The following NR3C2 variants were observed in gnomAD, a reference collection of about 807,000 sequenced individuals.
NR3C2 encodes the protein nuclear receptor subfamily 3 group C member 2, also known as mineralocorticoid receptor.
NR3C2 carries 15 observed loss-of-function variants against 86.4 expected under a neutral mutation model. The observed-to-expected ratio is 0.17, with a 90% CI of 0.12 to 0.27. The LOEUF (loss-of-function observed/expected upper bound fraction) is 0.27. NR3C2 is among the 10% of genes least tolerant of loss of function. NR3C2 has a pLI of 1.00. For missense variants in NR3C2, 960 were observed against 1,195.6 expected (o/e 0.80, Z 2.91); for synonymous variants, 458 against 450.5 (o/e 1.02, Z -0.21).
chr4:148,414,461 T>C (rs1748896970), intron 2 of NR3C2, among the ~76,000 whole-genome samples: 2 of 152,148 alleles, frequency 1.3e-5, no homozygotes, highest in Non-Finnish European at 2.9e-5. Flanking sequence ...AATTTAAAAA[T>C]AATAAAGAGA....
intron 4 of NR3C2, among the ~76,000 whole-genome samples, chr4:148,173,936 G>A (rs1735252288): frequency 6.6e-6 from 1 of 152,198 alleles, no homozygotes; most frequent in South Asian, 2.1e-4. Flanking sequence ...ATTCATGGGA[G>A]TGGCTCAGAA....
chr4:148,082,888 G>C (rs564103692), intron 8 of NR3C2, among the ~76,000 whole-genome samples: 53 of 152,090 alleles, frequency 3.5e-4, no homozygotes, highest in East Asian at 9.7e-4. Context: ...GTGGGGGAAG[G>C]GGGGAGGAGC....
rs539720311 is a variant in NR3C2, at chr4:148,295,539, C to T, written c.1758-35422G>A. Among the ~76,000 whole-genome samples the T allele has an allele frequency of 6.1e-5, 9 of 148,438 alleles. 1 individual carries two copies. In the South Asian group the frequency reaches 2.0e-3, roughly 33 times the overall value. ...TCATTCCCTCCATCTAGAATGTCTT[C>T]TTCTGCCATCTCTGCCCACCAAAAC... is the stretch of plus-strand genomic sequence containing the variant. On this transcript the variant is annotated intron_variant, in intron 2 of 8. Transcript: ENST00000358102.
chr4:148,139,490 A>G (rs1254421298), intron 6 of NR3C2, among the ~76,000 whole-genome samples: 1 of 152,196 alleles, frequency 6.6e-6, no homozygotes, highest in Admixed American at 6.5e-5. Context: ...TGCCCAGGTA[A>G]GTGGAGACTG....
intron 7 of NR3C2, among the ~76,000 whole-genome samples, chr4:148,116,160 T>C (rs1732264467): frequency 1.3e-5 from 2 of 152,224 alleles, no homozygotes; most frequent in South Asian, 2.1e-4. Context: ...AGTGGTAGAA[T>C]AAATAAGTTT....
intron 2 of NR3C2, among the ~76,000 whole-genome samples, chr4:148,410,631 G>A (rs1579265478): frequency 6.6e-6 from 1 of 152,040 alleles, no homozygotes; most frequent in Admixed American, 6.6e-5. Flanking sequence ...AACGGCCAGG[G>A]ACCTTTCACT....
At chr4:148,289,105 C>T (rs920819314) in intron 2 of NR3C2, among the ~76,000 whole-genome samples, 2 of 151,846 alleles carry the variant, frequency 1.3e-5, no homozygotes, top group East Asian at 3.9e-4. Context: ...TTGAGACAAC[C>T]AAGGAAAATT....
At position 148,079,984 on chromosome 4, in the gene NR3C2, G is replaced by A. The variant is rs1311764278; in HGVS notation, c.*1360C>T. The stretch of plus-strand genomic sequence containing the variant: ...TGCATGGAATTTTTTTTTCCCACAG[G>A]AGAAAATCTGATTTTCTAAAATGGG... On this transcript the variant is annotated 3_prime_UTR_variant, in exon 9 of 9. Transcript: ENST00000358102. The A allele has an allele frequency of 6.6e-6, 1 of 152,090 alleles. No homozygotes were observed. Among genetic ancestry groups the A allele is most frequent in the Non-Finnish European group, 1.5e-5 (1 of 68,014 alleles). The allele number at this position is 152,090 out of a possible 1,614,324, so 9.4% of individuals were successfully genotyped here. A position where few individuals can be genotyped will look rare whatever the true frequency, so the allele number is the denominator to read the frequency against.
At chr4:148,365,188 C>T (rs1746048533) in intron 2 of NR3C2, among the ~76,000 whole-genome samples, 1 of 152,154 alleles carries the variant, frequency 6.6e-6, no homozygotes, top group Admixed American at 6.5e-5. Flanking sequence ...AGAAAAGATA[C>T]ATCACAGTTG....
At chr4:148,270,971 G>A (rs961713007) in intron 2 of NR3C2, among the ~76,000 whole-genome samples, 1 of 152,148 alleles carries the variant, frequency 6.6e-6, no homozygotes, top group African/African-American at 2.4e-5. Flanking sequence ...TGGCTTTAAT[G>A]ATAAAACCAG....
intron 2 of NR3C2, among the ~76,000 whole-genome samples, chr4:148,322,007 C>A (rs1032756059): frequency 1.3e-5 from 2 of 152,110 alleles, no homozygotes; most frequent in African/African-American, 4.8e-5. Flanking sequence ...GATTTTGCAG[C>A]GGCTGGTACT....
chr4:148,193,579 C>A (rs1409637585), intron 4 of NR3C2, among the ~76,000 whole-genome samples: 1 of 152,112 alleles, frequency 6.6e-6, no homozygotes, highest in Admixed American at 6.5e-5. Flanking sequence ...ACTTATAATA[C>A]CTAATACAAT....
chr4:148,143,706 G>T (rs1483683994), intron 6 of NR3C2, among the ~76,000 whole-genome samples: 1 of 152,152 alleles, frequency 6.6e-6, no homozygotes, highest in Non-Finnish European at 1.5e-5. Context: ...AGCACTTTGG[G>T]AGGCCGAGGC....
intron 3 of NR3C2, among the ~76,000 whole-genome samples, chr4:148,231,210 G>A (rs1224058457): frequency 1.3e-5 from 2 of 152,140 alleles, no homozygotes; most frequent in Non-Finnish European, 2.9e-5. Context: ...ATGCATGTAA[G>A]GACCTAGATT....
Position 148,079,631 on chromosome 4 carries a change from G to A in NR3C2, c.*1713C>T, listed in dbSNP as rs1730448458. On this transcript the variant is annotated 3_prime_UTR_variant, in exon 9 of 9. Coordinates refer to ENST00000358102, the MANE Select transcript of NR3C2 (RefSeq NM_000901.5). ...TTTCCCCAAAGATACATATGTTTGT[G>A]ATTTGGGGCAAGAGAAAAGCCATAC... 6.5e-6 allele frequency: 1 copy of A among 152,722 alleles called. No individual in the cohort carries two copies. The highest frequency in any genetic ancestry group is 3.4e-3 in the Middle Eastern group (1 of 294). The allele number at this position is 152,722 out of a possible 1,614,324, so 9.5% of individuals were successfully genotyped here. A position where few individuals can be genotyped will look rare whatever the true frequency, so the allele number is the denominator to read the frequency against.
chr4:148,093,308 G>A lies in NR3C2; in HGVS notation c.2800-11809C>T, dbSNP rs374734685. 1.1e-4 allele frequency among the ~76,000 whole-genome samples: 17 copies of A among 152,300 alleles called. 1 individual carries two copies. The South Asian group carries it at 2.1e-3, about 19-fold the overall frequency. On this transcript the variant is annotated intron_variant, in intron 8 of 8. Coordinates refer to ENST00000358102, the MANE Select transcript of NR3C2 (RefSeq NM_000901.5). ...CGGCCACTCCCCGCTCTCCCTGCTCGCAAAGGAAGGCTTCTCAGAAGGCCT... is the reference window on the plus strand; with the variant it reads ...CGGCCACTCCCCGCTCTCCCTGCTCACAAAGGAAGGCTTCTCAGAAGGCCT...
intron 2 of NR3C2, among the ~76,000 whole-genome samples, chr4:148,415,006 TG>T (rs1366093735): frequency 2.0e-5 from 3 of 152,244 alleles, no homozygotes; most frequent in Non-Finnish European, 4.4e-5. Context: ...TAAAATATTT[TG>T]CAACTGATTT....
At chr4:148,339,888 G>A (rs567161117) in intron 2 of NR3C2, among the ~76,000 whole-genome samples, 1 of 152,086 alleles carries the variant, frequency 6.6e-6, no homozygotes, top group South Asian at 2.1e-4. Flanking sequence ...AAAATCAGTA[G>A]CACTTATATA....
At chr4:148,286,338 T>C (rs1692217863) in intron 2 of NR3C2, among the ~76,000 whole-genome samples, 1 of 152,122 alleles carries the variant, frequency 6.6e-6, no homozygotes, top group Non-Finnish European at 1.5e-5. Context: ...CTTCTGACTG[T>C]ATAGGCTAGT....
Sources: allele counts gnomAD v4.1 joint callset (sites outside exome capture counted in the v4.1 genomes callset), GRCh38; gene constraint gnomAD v4.1.1; transcripts MANE v1.5; gene names NCBI Gene and HGNC (gene_info 2026-07-23, HGNC 2026-07-21).